Variants in NRXN1 observed in about 807,000 individuals in gnomAD.
NRXN1 encodes neurexin-1.
NRXN1 carries 39 observed loss-of-function variants against 150.9 expected under a neutral mutation model. That is an observed-to-expected ratio of 0.26 (90% CI 0.20 to 0.34). NRXN1 has a LOEUF of 0.34. NRXN1 is among the 10% of genes least tolerant of loss of function. NRXN1 has a pLI of 1.00. For missense variants in NRXN1, 1,815 were observed against 1,949.9 expected (o/e 0.93, Z 1.30); for synonymous variants, 924 against 757.0 (o/e 1.22, Z -3.62).
intron 17 of NRXN1, among the ~76,000 whole-genome samples, chr2:50,251,068 T>C (rs1323371820): frequency 6.6e-6 from 1 of 151,844 alleles, no homozygotes; most frequent in African/African-American, 2.4e-5. Context: ...GTATTACATA[T>C]GTAATTGTAT....
chr2:50,564,684 G>A (rs994069142), intron 8 of NRXN1, among the ~76,000 whole-genome samples: 20 of 152,064 alleles, frequency 1.3e-4, no homozygotes, highest in Non-Finnish European at 2.6e-4. Context: ...CTAAAATATT[G>A]AACACATGTA....
chr2:50,334,282 T>C (rs535311512), intron 17 of NRXN1, among the ~76,000 whole-genome samples: 9 of 150,576 alleles, frequency 6.0e-5, no homozygotes, highest in Non-Finnish European at 8.8e-5. Flanking sequence ...CACACGTACA[T>C]ACAAAGTCAT....
chr2:50,584,927 T>G (rs1672848063), intron 8 of NRXN1, among the ~76,000 whole-genome samples: 2 of 152,202 alleles, frequency 1.3e-5, no homozygotes, highest in Admixed American at 1.3e-4. Flanking sequence ...TTCTGGGATG[T>G]TCTCGAGTGT....
intron 21 of NRXN1, among the ~76,000 whole-genome samples, chr2:50,042,199 G>A (rs1342135514): frequency 6.6e-6 from 1 of 152,032 alleles, no homozygotes; most frequent in Non-Finnish European, 1.5e-5. Context: ...ATTAATCTAG[G>A]AAAATTCAGG....
intron 5 of NRXN1, among the ~76,000 whole-genome samples, chr2:50,658,593 G>A (rs529309394): frequency 6.6e-5 from 10 of 151,896 alleles, no homozygotes; most frequent in South Asian, 4.2e-4. Flanking sequence ...CTCTTTGGCC[G>A]TTCCTTCACA....
At chr2:50,899,649 A>G (rs1425635277) in intron 5 of NRXN1, among the ~76,000 whole-genome samples, 1 of 152,178 alleles carries the variant, frequency 6.6e-6, no homozygotes, top group Non-Finnish European at 1.5e-5. Flanking sequence ...TTTTTCTAAT[A>G]TTTTGCAGGA....
intron 18 of NRXN1, among the ~76,000 whole-genome samples, chr2:50,148,763 G>A (rs778132091): frequency 6.6e-6 from 1 of 151,658 alleles, no homozygotes; most frequent in Non-Finnish European, 1.5e-5. Flanking sequence ...GTAGCAATGT[G>A]ATGTCAATCG....
At chr2:50,164,964 G>A (rs1365741317) in intron 18 of NRXN1, among the ~76,000 whole-genome samples, 1 of 152,130 alleles carries the variant, frequency 6.6e-6, no homozygotes, top group African/African-American at 2.4e-5. Flanking sequence ...TGTGGCTTGA[G>A]GCTATACATG....
intron 19 of NRXN1, among the ~76,000 whole-genome samples, chr2:50,090,766 T>C (rs901407428): frequency 3.9e-5 from 6 of 152,166 alleles, no homozygotes; most frequent in African/African-American, 1.2e-4. Flanking sequence ...TCTATGGTTA[T>C]ATGAAAGTGA....
At chr2:50,363,567 T>C (rs910808445) in intron 17 of NRXN1, among the ~76,000 whole-genome samples, 16 of 152,004 alleles carry the variant, frequency 1.1e-4, no homozygotes, top group Non-Finnish European at 2.9e-5. Context: ...GTTAGAATGG[T>C]GATCATTAAA....
At chr2:50,883,240 G>A (rs1679722244) in intron 5 of NRXN1, among the ~76,000 whole-genome samples, 1 of 151,758 alleles carries the variant, frequency 6.6e-6, no homozygotes, top group African/African-American at 2.4e-5. Flanking sequence ...TGGTCTTCAT[G>A]TTAGGCATTA....
intron 8 of NRXN1, among the ~76,000 whole-genome samples, chr2:50,583,220 T>G (rs1323454277): frequency 6.6e-6 from 1 of 152,048 alleles, no homozygotes; most frequent in African/African-American, 2.4e-5. Context: ...GTTTTTAATT[T>G]TAGTAGAGAC....
rs935951605 is a variant in NRXN1, at chr2:50,646,417, C to A, written c.833-22802G>T. Among the ~76,000 whole-genome samples the A allele has an allele frequency of 1.1e-4, 17 of 152,140 alleles. 1 individual carries two copies. The South Asian group carries it at 3.1e-3, about 28-fold the overall frequency. On this transcript the variant is annotated intron_variant, in intron 5 of 22. Transcript: ENST00000401669. The stretch of plus-strand genomic sequence containing the variant: ...TCAATTTGTTTAGTGACTGGGGTGA[C>A]TCTTGCCTGGTGGAAAAAGACATTT...
At chr2:50,728,908 A>G (rs989409677) in intron 5 of NRXN1, among the ~76,000 whole-genome samples, 20 of 152,192 alleles carry the variant, frequency 1.3e-4, no homozygotes, top group Admixed American at 9.8e-4. Context: ...AAGAGTCTTG[A>G]GTGCATGGTT....
chr2:50,650,709 A>T (rs577359689), intron 5 of NRXN1, among the ~76,000 whole-genome samples: 1 of 152,188 alleles, frequency 6.6e-6, no homozygotes, highest in African/African-American at 2.4e-5. Context: ...AATACTTGCT[A>T]ATACAAGCTA....
intron 17 of NRXN1, among the ~76,000 whole-genome samples, chr2:50,405,047 T>C (rs749763612): frequency 6.6e-6 from 1 of 152,110 alleles, no homozygotes; most frequent in Non-Finnish European, 1.5e-5. Flanking sequence ...CTTCCCCAAC[T>C]TACTATGCCA....
At chr2:50,186,689 G>A (rs973574990) in intron 18 of NRXN1, among the ~76,000 whole-genome samples, 2 of 151,974 alleles carry the variant, frequency 1.3e-5, no homozygotes, top group African/African-American at 2.4e-5. Flanking sequence ...TTACTCAAAG[G>A]CCGAAAAGAC....
intron 17 of NRXN1, among the ~76,000 whole-genome samples, chr2:50,240,399 C>T (rs2065902297): frequency 6.6e-6 from 1 of 151,704 alleles, no homozygotes; most frequent in Non-Finnish European, 1.5e-5. Context: ...CAGCTCTCTT[C>T]TACATACTTC....
At chr2:50,902,800 C>G (rs997467843) in intron 5 of NRXN1, among the ~76,000 whole-genome samples, 19 of 152,060 alleles carry the variant, frequency 1.2e-4, no homozygotes, top group African/African-American at 4.3e-4. Context: ...ATGTCATTGT[C>G]CCTTTATCTC....
Sources: allele counts gnomAD v4.1 joint callset (sites outside exome capture counted in the v4.1 genomes callset), GRCh38; gene constraint gnomAD v4.1.1; transcripts MANE v1.5; gene names NCBI Gene and HGNC (gene_info 2026-07-23, HGNC 2026-07-21).